The following FAR2 variants were observed in gnomAD, a reference collection of about 807,000 sequenced individuals.
FAR2 encodes the protein fatty acyl-CoA reductase 2, also known as epididymis secretory protein Li 81.
FAR2 carries 19 observed loss-of-function variants against 56.0 expected under a neutral mutation model. That is an observed-to-expected ratio of 0.34 (90% CI 0.24 to 0.50). The LOEUF is 0.50. Among genes scored for constraint, FAR2 ranks in the 20% least tolerant of loss-of-function variants. The pLI, the probability that FAR2 is intolerant of heterozygous loss-of-function variation, is 0.98. For synonymous variants in FAR2, 219 were observed against 218.8 expected (o/e 1.00, Z -0.01); for missense variants, 508 against 642.2 (o/e 0.79, Z 2.26).
intron 1 of FAR2, among the ~76,000 whole-genome samples, chr12:29,231,908 T>C (rs1429611519): frequency 1.3e-5 from 2 of 152,188 alleles, no homozygotes; most frequent in Non-Finnish European, 1.5e-5. Context: ...AACAGGACAG[T>C]ATTTGTGGGA....
chr12:29,221,692 T>G (rs901120916), intron 1 of FAR2, among the ~76,000 whole-genome samples: 1 of 152,190 alleles, frequency 6.6e-6, no homozygotes, highest in Non-Finnish European at 1.5e-5. Flanking sequence ...CAGCCAGGCA[T>G]GATGCTATAT....
intron 1 of FAR2, among the ~76,000 whole-genome samples, chr12:29,269,811 T>G (rs1407643479): frequency 7.2e-5 from 11 of 152,242 alleles, no homozygotes; most frequent in Admixed American, 7.2e-4. Flanking sequence ...ACTCAAACTC[T>G]AATTACATCA....
chr12:29,227,530 G>A (rs892566459), intron 1 of FAR2, among the ~76,000 whole-genome samples: 1 of 151,960 alleles, frequency 6.6e-6, no homozygotes, highest in Non-Finnish European at 1.5e-5. Flanking sequence ...CTTCTCCATC[G>A]ACCAGATACT....
At chr12:29,173,763 C>T (rs566622724) in intron 1 of FAR2, among the ~76,000 whole-genome samples, 3 of 152,078 alleles carry the variant, frequency 2.0e-5, no homozygotes, top group Admixed American at 2.0e-4. Flanking sequence ...CCACACCCCC[C>T]CTACCCAAGA....
At chr12:29,203,390 C>T (rs7971655) in intron 1 of FAR2, among the ~76,000 whole-genome samples, 5,891 of 152,164 alleles carry the variant, frequency 0.039, 329 homozygotes, top group African/African-American at 0.13. Context: ...GAAGTATTAC[C>T]TAGTTGAGAG....
intron 9 of FAR2, among the ~76,000 whole-genome samples, chr12:29,317,554 C>G (rs1949473082): frequency 6.6e-6 from 1 of 152,126 alleles, no homozygotes; most frequent in Admixed American, 6.5e-5. Context: ...TAAAAATGTT[C>G]CAGCACAATA....
At position 29,153,099 on chromosome 12, in the gene FAR2, C is replaced by G. The variant is rs78906770; in HGVS notation, c.-39+3692C>G. Among the ~76,000 whole-genome samples, 856 of 152,342 alleles carry G rather than the reference C, an allele frequency of 5.6e-3. 10 individuals carry two copies. The highest frequency in any genetic ancestry group is 0.019 in the African/African-American group (808 of 41,562). On this transcript the variant is annotated intron_variant, in intron 1 of 11. Transcript: ENST00000536681. ...CCCATTCTGTGACCAGACACTGTGC[C>G]AGCTTTTCCACATTTGGTGTTGAAC...
intron 1 of FAR2, among the ~76,000 whole-genome samples, chr12:29,270,114 T>C (rs1251131544): frequency 5.3e-5 from 8 of 152,212 alleles, no homozygotes; most frequent in Admixed American, 5.2e-4. Flanking sequence ...CTATATTGTA[T>C]TTAACAGTCT....
chr12:29,235,382 T>C (rs1373172553), intron 1 of FAR2, among the ~76,000 whole-genome samples: 1 of 152,162 alleles, frequency 6.6e-6, no homozygotes, highest in African/African-American at 2.4e-5. Flanking sequence ...CATGCTGGGG[T>C]TGCAATTTTA....
intron 4 of FAR2, among the ~76,000 whole-genome samples, chr12:29,297,553 A>T (rs1373004253): frequency 6.6e-6 from 1 of 152,202 alleles, no homozygotes; most frequent in African/African-American, 2.4e-5. Flanking sequence ...AAAATGTCTG[A>T]TTCAGACTGA....
At chr12:29,161,393 A>ATTATATAGTAATACTTTTT (rs1157915860) in intron 1 of FAR2, among the ~76,000 whole-genome samples, 4 of 152,226 alleles carry the variant, frequency 2.6e-5, no homozygotes, top group Non-Finnish European at 4.4e-5. Flanking sequence ...TATAAATGAA[A>ATTATATAGTAATACTTTTT]TTATATAGTA....
intron 3 of FAR2, among the ~76,000 whole-genome samples, chr12:29,295,117 G>C (rs1313167403): frequency 6.6e-6 from 1 of 152,062 alleles, no homozygotes; most frequent in African/African-American, 2.4e-5. Context: ...CTGTTGCCCA[G>C]GCTGGAGTGC....
intron 1 of FAR2, among the ~76,000 whole-genome samples, chr12:29,199,458 G>A (rs998808194): frequency 2.6e-5 from 4 of 151,834 alleles, no homozygotes; most frequent in African/African-American, 9.7e-5. Flanking sequence ...AAATTAGCCG[G>A]GCGTGGTGGC....
chr12:29,287,989 A>AT (rs1057035478), intron 2 of FAR2, among the ~76,000 whole-genome samples: 6 of 151,748 alleles, frequency 4.0e-5, no homozygotes, highest in Admixed American at 6.6e-5. Flanking sequence ...AACCAGACAA[A>AT]TTTTTTTTTC....
intron 1 of FAR2, among the ~76,000 whole-genome samples, chr12:29,251,558 C>T (rs1591892047): frequency 6.6e-6 from 1 of 152,126 alleles, no homozygotes; most frequent in East Asian, 1.9e-4. Context: ...AGACCCCTAA[C>T]CTGTACTGTG....
At chr12:29,258,015 A>G (rs77146943) in intron 1 of FAR2, among the ~76,000 whole-genome samples, 8,114 of 152,102 alleles carry the variant, frequency 0.053, 518 homozygotes, top group African/African-American at 0.15. Flanking sequence ...AACTACTCTC[A>G]TTTATTTCAC....
intron 1 of FAR2, among the ~76,000 whole-genome samples, chr12:29,186,523 C>G (rs1262011651): frequency 6.6e-6 from 1 of 152,152 alleles, no homozygotes; most frequent in African/African-American, 2.4e-5. Context: ...TTTGTGTTCT[C>G]TGATCTTTAA....
chr12:29,180,054 T>C (rs1218996826), intron 1 of FAR2, among the ~76,000 whole-genome samples: 10 of 152,112 alleles, frequency 6.6e-5, no homozygotes, highest in Admixed American at 6.6e-4. Flanking sequence ...AATTCAATAG[T>C]TCACAAAATC....
intron 10 of FAR2, among the ~76,000 whole-genome samples, chr12:29,332,189 A>C (rs946812377): frequency 5.3e-5 from 8 of 152,210 alleles, no homozygotes; most frequent in African/African-American, 1.9e-4. Context: ...TGGTAGAACA[A>C]AGGGATAACA....
Sources: allele counts gnomAD v4.1 joint callset (sites outside exome capture counted in the v4.1 genomes callset), GRCh38; gene constraint gnomAD v4.1.1; transcripts MANE v1.5; gene names NCBI Gene and HGNC (gene_info 2026-07-23, HGNC 2026-07-21).